The following CFAP210 variants were observed in gnomAD, a reference collection of about 807,000 sequenced individuals.
CFAP210 encodes the protein cilia- and flagella- associated protein 210.
At chr2:169,681,902 C>A in the CFAP210 span, among the ~76,000 whole-genome samples, 1 of 152,156 alleles carries the variant, frequency 6.6e-6, no homozygotes, top group Admixed American at 6.5e-5. Context: ...CAGCTATGAC[C>A]ACAAGATAAA....
chr2:169,646,216 T>C, the CFAP210 span: 15 of 1,489,210 alleles, frequency 1.0e-5, no homozygotes, highest in South Asian at 1.1e-4. Context: ...TAACTTAATA[T>C]TGGTTAAGAA....
At chr2:169,655,773 C>G in the CFAP210 span, among the ~76,000 whole-genome samples, 1 of 152,114 alleles carries the variant, frequency 6.6e-6, no homozygotes, top group Non-Finnish European at 1.5e-5. Flanking sequence ...AACCAATAAT[C>G]AGATTTTAAT....
the CFAP210 span, among the ~76,000 whole-genome samples, chr2:169,670,621 A>T: frequency 6.6e-6 from 1 of 152,222 alleles, no homozygotes; most frequent in East Asian, 1.9e-4. Context: ...CCAAGGGCTT[A>T]AATGAGCCTG....
the CFAP210 span, chr2:169,654,006 C>A: frequency 7.0e-7 from 1 of 1,418,504 alleles, no homozygotes. Flanking sequence ...CTAAAGACTA[C>A]TGTCATAATA....
chr2:169,689,241 T>C, the CFAP210 span, among the ~76,000 whole-genome samples: 2 of 152,218 alleles, frequency 1.3e-5, no homozygotes, highest in African/African-American at 4.8e-5. Flanking sequence ...TCAGGACACA[T>C]CCAAACTATA....
the CFAP210 span, chr2:169,650,375 T>G: frequency 6.2e-7 from 1 of 1,603,624 alleles, no homozygotes; most frequent in Non-Finnish European, 8.5e-7. Context: ...TGCTTTGTTT[T>G]TTTCATCTTT....
chr2:169,676,110 T>C, the CFAP210 span, among the ~76,000 whole-genome samples: 1 of 152,206 alleles, frequency 6.6e-6, no homozygotes, highest in Admixed American at 6.5e-5. Context: ...TATCCCAGTA[T>C]CAGTTGTTGA....
At chr2:169,660,637 T>C in the CFAP210 span, among the ~76,000 whole-genome samples, 1 of 150,896 alleles carries the variant, frequency 6.6e-6, no homozygotes, top group Non-Finnish European at 1.5e-5. Flanking sequence ...AGAGTCTTGC[T>C]CTATTGCCCA....
At chr2:169,690,059 T>C in the CFAP210 span, among the ~76,000 whole-genome samples, 2 of 152,140 alleles carry the variant, frequency 1.3e-5, no homozygotes, top group Non-Finnish European at 2.9e-5. Flanking sequence ...GCGCAGTGGC[T>C]ATTTACAAGT....
At chr2:169,675,267 G>C in the CFAP210 span, among the ~76,000 whole-genome samples, 1 of 152,228 alleles carries the variant, frequency 6.6e-6, no homozygotes, top group South Asian at 2.1e-4. Flanking sequence ...AGAGGTATAT[G>C]AACTTCTCCT....
At chr2:169,645,551 A>G in the CFAP210 span, 8 of 278,068 alleles carry the variant, frequency 2.9e-5, no homozygotes, top group Non-Finnish European at 4.8e-5. Flanking sequence ...TAGTAAGAGC[A>G]CTGAAAAATT....
At chr2:169,678,441 T>C in the CFAP210 span, among the ~76,000 whole-genome samples, 2 of 151,360 alleles carry the variant, frequency 1.3e-5, no homozygotes, top group South Asian at 4.2e-4. Context: ...ATTGTCATAA[T>C]GTAACTATCT....
the CFAP210 span, among the ~76,000 whole-genome samples, chr2:169,692,528 C>T: frequency 2.0e-5 from 3 of 152,038 alleles, no homozygotes; most frequent in South Asian, 6.2e-4. Flanking sequence ...GGCCAACTTT[C>T]CCACTTTTAT....
the CFAP210 span, among the ~76,000 whole-genome samples, chr2:169,680,521 T>C: frequency 2.6e-5 from 4 of 152,372 alleles, no homozygotes; most frequent in African/African-American, 7.2e-5. Flanking sequence ...GTTTCATTGA[T>C]GTCAACCATC....
the CFAP210 span, chr2:169,662,341 T>C: frequency 2.5e-6 from 4 of 1,605,200 alleles, no homozygotes; most frequent in Non-Finnish European, 3.4e-6. Flanking sequence ...TTTTCTCATT[T>C]CAATTTCATA....
the CFAP210 span, among the ~76,000 whole-genome samples, chr2:169,652,355 C>CA: frequency 6.6e-6 from 1 of 152,056 alleles, no homozygotes; most frequent in East Asian, 1.9e-4. Flanking sequence ...GGTAGAATTC[C>CA]AAAAAATAGT....
the CFAP210 span, among the ~76,000 whole-genome samples, chr2:169,692,670 G>C: frequency 6.6e-6 from 1 of 152,168 alleles, no homozygotes; most frequent in African/African-American, 2.4e-5. Context: ...TCTGATAGCT[G>C]TGATATTTAA....
chr2:169,646,712 G>A, the CFAP210 span, among the ~76,000 whole-genome samples: 12,190 of 152,270 alleles, frequency 0.08, 656 homozygotes, highest in Non-Finnish European at 0.12. Context: ...ATCAATGTAG[G>A]TTGAGAAGGC....
chr2:169,677,531 C>T, the CFAP210 span, among the ~76,000 whole-genome samples: 1 of 151,952 alleles, frequency 6.6e-6, no homozygotes, highest in African/African-American at 2.4e-5. Flanking sequence ...TTAAAAGAAC[C>T]AAAACACTCA....
Sources: allele counts gnomAD v4.1 joint callset (sites outside exome capture counted in the v4.1 genomes callset), GRCh38; gene constraint gnomAD v4.1.1; transcripts MANE v1.5; gene names NCBI Gene and HGNC (gene_info 2026-07-23, HGNC 2026-07-21).